The following DLGAP1 variants were observed in gnomAD, a reference collection of about 807,000 sequenced individuals.
DLGAP1 encodes the protein DLG associated protein 1, also known as disks large-associated protein 1.
A neutral mutation model predicts 90.8 loss-of-function variants in DLGAP1; 11 were observed. That is an observed-to-expected ratio of 0.12 (90% CI 0.08 to 0.20). The LOEUF is 0.20. Among genes scored for constraint, DLGAP1 ranks in the 10% least tolerant of loss-of-function variants. The probability of loss-of-function intolerance (pLI) is 1.00; values close to 1 mark genes in which losing one functional copy is unlikely to be tolerated. For synonymous variants in DLGAP1, 558 were observed against 540.7 expected, an observed-to-expected ratio of 1.03 and a Z score of -0.44; for missense variants, 1,050 against 1,333.8, an observed-to-expected ratio of 0.79 and a Z score of 3.31.
intron 1 of DLGAP1, among the ~76,000 whole-genome samples, chr18:4,423,419 T>C (rs1369071917): frequency 3.3e-5 from 5 of 152,244 alleles, no homozygotes; most frequent in African/African-American, 9.6e-5. Flanking sequence ...TATGACTCTC[T>C]CTTTGCCTAC....
intron 3 of DLGAP1, chr18:3,983,279 T>C (rs2073775275): frequency 6.6e-6 from 1 of 152,208 alleles, no homozygotes; most frequent in South Asian, 2.1e-4. Flanking sequence ...CATTACTTAA[T>C]TATGCCAGGT....
intron 3 of DLGAP1, chr18:3,896,844 C>G (rs1341752450): frequency 1.3e-5 from 2 of 152,296 alleles, no homozygotes. Context: ...CTAGAAAGGT[C>G]ACTCTCTGCC....
At chr18:4,363,291 G>C (rs1289225025) in intron 1 of DLGAP1, among the ~76,000 whole-genome samples, 1 of 152,222 alleles carries the variant, frequency 6.6e-6, no homozygotes, top group African/African-American at 2.4e-5. Flanking sequence ...ACATACACAG[G>C]GGAGACACAG....
At chr18:3,753,841 T>C (rs987230872) in intron 5 of DLGAP1, among the ~76,000 whole-genome samples, 4 of 152,200 alleles carry the variant, frequency 2.6e-5, no homozygotes, top group African/African-American at 4.8e-5. Context: ...AATTTCACAG[T>C]GAACCCAAGG....
intron 6 of DLGAP1, among the ~76,000 whole-genome samples, chr18:3,739,624 T>G (rs1183215265): frequency 4.0e-5 from 4 of 99,588 alleles, no homozygotes; most frequent in East Asian, 3.3e-4. Context: ...TGGGGACTGT[T>G]GTGGGGTCGG....
At chr18:4,227,382 A>G (rs1294788020) in intron 1 of DLGAP1, among the ~76,000 whole-genome samples, 1 of 152,052 alleles carries the variant, frequency 6.6e-6, no homozygotes, top group African/African-American at 2.4e-5. Context: ...CATTTCATCC[A>G]ACGGCTGCAG....
At chr18:4,420,243 C>A (rs191705369) in intron 1 of DLGAP1, among the ~76,000 whole-genome samples, 2 of 152,276 alleles carry the variant, frequency 1.3e-5, no homozygotes, top group Admixed American at 1.3e-4. Context: ...GAGACTTCAA[C>A]ACTTTTCTCT....
chr18:4,298,877 C>G (rs552350343), intron 1 of DLGAP1, among the ~76,000 whole-genome samples: 1 of 151,780 alleles, frequency 6.6e-6, no homozygotes, highest in African/African-American at 2.4e-5. Context: ...GTCAAGAGAT[C>G]GAAACTATCC....
intron 7 of DLGAP1, among the ~76,000 whole-genome samples, chr18:3,628,132 T>A (rs1305969342): frequency 6.6e-6 from 1 of 151,146 alleles, no homozygotes; most frequent in Non-Finnish European, 1.5e-5. Context: ...CGCCTTGGCC[T>A]CCCAAAGTGG....
chr18:3,810,426 G>A (rs2066775119), intron 5 of DLGAP1, among the ~76,000 whole-genome samples: 1 of 152,158 alleles, frequency 6.6e-6, no homozygotes, highest in Non-Finnish European at 1.5e-5. Context: ...GAAGATGGGA[G>A]TTGAAAACCT....
intron 2 of DLGAP1, among the ~76,000 whole-genome samples, chr18:4,073,395 G>A: frequency 6.6e-6 from 1 of 152,170 alleles, no homozygotes; most frequent in East Asian, 1.9e-4. Flanking sequence ...TTAGTAAGAA[G>A]AGAACTAAGA....
intron 7 of DLGAP1, among the ~76,000 whole-genome samples, chr18:3,717,222 C>A (rs1427760488): frequency 1.3e-5 from 2 of 152,016 alleles, no homozygotes; most frequent in Non-Finnish European, 2.9e-5. Context: ...GTTTTATATT[C>A]ACTCTAGAAA....
intron 4 of DLGAP1, among the ~76,000 whole-genome samples, chr18:3,842,809 T>C (rs1953004209): frequency 1.3e-5 from 2 of 152,282 alleles, no homozygotes; most frequent in South Asian, 4.2e-4. Flanking sequence ...TTTTGTGTCA[T>C]GCCTTTATTT....
chr18:3,541,403 A>G lies in DLGAP1; in HGVS notation c.2058-6788T>C, dbSNP rs1269897656. The stretch of plus-strand genomic sequence containing the variant: ...CCACGCCTTTAAAACTCAGGTGTAC[A>G]GTAAGGAACTATTTGGCTAGGTCAT... On this transcript the variant is annotated intron_variant, in intron 9 of 12. Coordinates refer to ENST00000315677, the MANE Select transcript of DLGAP1 (RefSeq NM_004746.4). Among the ~76,000 whole-genome samples the G allele has an allele frequency of 5.3e-5, 8 of 152,320 alleles. No individual in the cohort carries two copies. The East Asian group carries it at 1.3e-3, about 26-fold the overall frequency.
intron 5 of DLGAP1, among the ~76,000 whole-genome samples, chr18:3,769,003 A>G (rs1338824404): frequency 6.6e-6 from 1 of 152,158 alleles, no homozygotes; most frequent in East Asian, 1.9e-4. Context: ...ATAGAAGATA[A>G]TTGAAAATCA....
At chr18:3,662,097 T>TA (rs2059703689) in intron 7 of DLGAP1, among the ~76,000 whole-genome samples, 2 of 133,794 alleles carry the variant, frequency 1.5e-5, no homozygotes, top group African/African-American at 6.9e-5. Flanking sequence ...ATTTAAAAAT[T>TA]TAAAAAAAAA....
At chr18:4,121,632 T>G (rs990301471) in intron 2 of DLGAP1, among the ~76,000 whole-genome samples, 5 of 152,040 alleles carry the variant, frequency 3.3e-5, no homozygotes, top group African/African-American at 4.8e-5. Context: ...CAATTTCCCA[T>G]CCACTGACCC....
intron 4 of DLGAP1, among the ~76,000 whole-genome samples, chr18:3,854,782 T>C (rs568515479): frequency 6.6e-6 from 1 of 152,312 alleles, no homozygotes; most frequent in South Asian, 2.1e-4. Context: ...CTAGAAATTT[T>C]ACCTGAGTGT....
At chr18:3,813,431 C>T (rs529332759) in intron 5 of DLGAP1, among the ~76,000 whole-genome samples, 7 of 152,238 alleles carry the variant, frequency 4.6e-5, no homozygotes, top group South Asian at 2.1e-4. Context: ...ACAGTGAAAT[C>T]GCTTAATGAT....
Sources: gnomAD v4.1 joint callset for allele counts (sites outside exome capture counted in the v4.1 genomes callset) on GRCh38, gnomAD v4.1.1 for gene constraint, MANE v1.5 for transcripts, NCBI Gene and HGNC (gene_info 2026-07-23, HGNC 2026-07-21) for gene names.